Variants in ODAD1 observed in about 807,000 individuals in gnomAD.
The protein encoded by ODAD1 is outer dynein arm-docking complex subunit 1.
ODAD1 carries 49 observed loss-of-function variants against 67.2 expected under a neutral mutation model. That is an observed-to-expected ratio of 0.73 (90% CI 0.58 to 0.92). The LOEUF (loss-of-function observed/expected upper bound fraction) is 0.92, where lower values mean the gene tolerates loss of function less well. Among genes scored for constraint, ODAD1 ranks in the 40% least tolerant of loss-of-function variants. The pLI is 0.00. For missense variants in ODAD1, 897 were observed against 953.7 expected, an observed-to-expected ratio of 0.94 and a Z score of 0.78; for synonymous variants, 345 against 393.7, an observed-to-expected ratio of 0.88 and a Z score of 1.46.
At chr19:48,314,417 T>C (rs1281482568) in intron 5 of ODAD1, among the ~76,000 whole-genome samples, 1 of 152,214 alleles carries the variant, frequency 6.6e-6, no homozygotes, top group Non-Finnish European at 1.5e-5. Context: ...ATAGCAGCCC[T>C]AACAAACTAA....
intron 14 of ODAD1, 69 bp downstream of exon 14, chr19:48,297,929 CTA>C (rs1469859236): frequency 7.8e-7 from 1 of 1,280,656 alleles, no homozygotes; most frequent in East Asian, 2.4e-5. Flanking sequence ...CCAAAACTCT[CTA>C]TCCTGTGTGT....
At chr19:48,297,801 CG>C in intron 14 of ODAD1, 133 bp from the exon 15 acceptor site, 2 of 937,230 alleles carry the variant, frequency 2.1e-6, no homozygotes, top group Non-Finnish European at 1.5e-6. Context: ...CTGGGGCACC[CG>C]GGGCCCCATC....
intron 7 of ODAD1, among the ~76,000 whole-genome samples, chr19:48,308,312 T>C (rs916984048): frequency 4.6e-5 from 7 of 152,068 alleles, no homozygotes; most frequent in Non-Finnish European, 8.8e-5. Context: ...GTAGCTGGGA[T>C]TACAGGCGTG....
In ODAD1 at chr19:48,311,947, C is replaced by T. The variant is rs750602665; in HGVS notation, c.483+47G>A. 5 of 1,536,208 alleles carry T rather than the reference C, an allele frequency of 3.3e-6. No homozygotes were observed. The African/African-American group carries it at 5.5e-5, about 17-fold the overall frequency. ...ATCCAATGACCATGCCCAGTTCTTC[C>T]CATAACCGCACAATTCAGGTCGAGG... On this transcript the variant is annotated intron_variant, in intron 6 of 15. Transcript: ENST00000674294.
rs115621120 is a variant in ODAD1, at chr19:48,303,910, C to A, written c.853+43G>T. 5.8e-3 allele frequency: 9,191 copies of A among 1,596,850 alleles called. 84 individuals carry two copies. The highest frequency in any genetic ancestry group is 0.033 in the African/African-American group (2,432 of 74,718). On this transcript the variant is annotated intron_variant, in intron 9 of 15. Transcript: ENST00000674294. Reference sequence around the variant, plus strand: ...AGGTGTGCTGCAGGTGCCCCAGGGGCGGCCAGGCCCTTGAGATGCAAAGGC... The same window carrying A: ...AGGTGTGCTGCAGGTGCCCCAGGGGAGGCCAGGCCCTTGAGATGCAAAGGC...
chr19:48,313,150 C>A (rs1005446102), intron 5 of ODAD1, among the ~76,000 whole-genome samples: 1 of 152,088 alleles, frequency 6.6e-6, no homozygotes, highest in Non-Finnish European at 1.5e-5. Flanking sequence ...ATATGTTGGC[C>A]GGGCACGGTG....
chr19:48,305,387 T>C (rs1968579057), intron 8 of ODAD1, among the ~76,000 whole-genome samples: 1 of 151,532 alleles, frequency 6.6e-6, no homozygotes, highest in African/African-American at 2.4e-5. Flanking sequence ...CTGCACTATA[T>C]ATGTGCTAGA....
intron 3 of ODAD1, among the ~76,000 whole-genome samples, chr19:48,319,159 C>T (rs913152826): frequency 3.9e-5 from 6 of 151,992 alleles, no homozygotes; most frequent in Admixed American, 3.9e-4. Flanking sequence ...CCATCAGCAG[C>T]CCTCAGCCCC....
chr19:48,315,779 G>A (rs1968882188), intron 5 of ODAD1, among the ~76,000 whole-genome samples: 1 of 151,888 alleles, frequency 6.6e-6, no homozygotes, highest in African/African-American at 2.4e-5. Context: ...GGATCAAAGG[G>A]GTATCTGGTT....
At chr19:48,309,491 CGA>C (rs1287618004) in intron 7 of ODAD1, among the ~76,000 whole-genome samples, 1 of 152,144 alleles carries the variant, frequency 6.6e-6, no homozygotes, top group African/African-American at 2.4e-5. Context: ...CTGGACGAGA[CGA>C]CCTGCCTGCA....
chr19:48,311,190 C>T lies in ODAD1; in HGVS notation c.597+363G>A, dbSNP rs114224830. On this transcript the variant is annotated intron_variant, in intron 7 of 15. Transcript: ENST00000674294. ...TCACTTCACTGTGCTCCAGCCTGGA[C>T]GACAGAGTGAGACTCATCTCAAAAC... 7.1e-3 allele frequency among the ~76,000 whole-genome samples: 1,077 copies of T among 152,056 alleles called. 19 individuals carry two copies. The highest frequency in any genetic ancestry group is 0.024 in the African/African-American group (1,008 of 41,452).
intron 8 of ODAD1, 96 bp downstream of exon 8, chr19:48,306,160 G>T: frequency 6.6e-7 from 1 of 1,511,886 alleles, no homozygotes. Context: ...GTTCTGACGT[G>T]TTTCATGAGT....
chr19:48,314,466 T>G (rs987201957), intron 5 of ODAD1, among the ~76,000 whole-genome samples: 2 of 152,180 alleles, frequency 1.3e-5, no homozygotes, highest in African/African-American at 4.8e-5. Flanking sequence ...TGCAGCAAAC[T>G]TAAGACTCAG....
chr19:48,301,763 G>C (rs927193445), intron 12 of ODAD1, among the ~76,000 whole-genome samples: 1 of 150,640 alleles, frequency 6.6e-6, no homozygotes, highest in African/African-American at 2.4e-5. Flanking sequence ...GACAGTTGGA[G>C]GGATAGACCC....
At chr19:48,319,051 C>T (rs1188364589) in intron 3 of ODAD1, among the ~76,000 whole-genome samples, 9 of 152,112 alleles carry the variant, frequency 5.9e-5, no homozygotes, top group African/African-American at 1.9e-4. Context: ...TCCCATCCCA[C>T]CAGAGGGCAC....
Position 48,297,458 on chromosome 19 carries a change from T to TCGC in ODAD1, c.1639_1641dup (p.Ala547dup). 1 of 1,601,646 alleles carries TCGC rather than the reference T, an allele frequency of 6.2e-7. No homozygotes were observed. Among genetic ancestry groups the TCGC allele is most frequent in the Non-Finnish European group, 8.5e-7 (1 of 1,177,512 alleles). ...TCCACGCTCAGGGTGCCGTCCAGCT[T>TCGC]CGCGGCGGCGGCGGCCAGGTCCTTC... On this transcript the variant is annotated inframe_insertion, in exon 16 of 16. Transcript: ENST00000674294.
chr19:48,296,846 G>C lies in ODAD1; in HGVS notation c.*130C>G. The C allele has an allele frequency of 7.0e-7, 1 of 1,433,448 alleles. No homozygotes were observed. Among genetic ancestry groups the C allele is most frequent in the Non-Finnish European group, 9.1e-7 (1 of 1,100,218 alleles). The allele number at this position is 1,433,448 out of a possible 1,614,324, so 88.8% of individuals were successfully genotyped here. On this transcript the variant is annotated 3_prime_UTR_variant, in exon 16 of 16. Transcript: ENST00000674294. The stretch of plus-strand genomic sequence containing the variant: ...TGAAGGGCAGATGAAAACAGTTGAA[G>C]GGGCAAAAAGACAGAGGCCTGCCAC...
chr19:48,306,457 C>T lies in ODAD1; in HGVS notation c.598-134G>A, dbSNP rs1347629956. 7 of 664,050 alleles carry T rather than the reference C, an allele frequency of 1.1e-5. No individual in the cohort carries two copies. In the Middle Eastern group the frequency reaches 7.7e-4, roughly 73 times the overall value. The allele number at this position is 664,050 out of a possible 1,614,324, so 41.1% of individuals were successfully genotyped here. On this transcript the variant is annotated intron_variant, in intron 7 of 15. Transcript: ENST00000674294. The stretch of plus-strand genomic sequence containing the variant: ...TCCAAATGTGGACCCTCCTCATTAG[C>T]GACTGCCCATGAAAGGGATTTTAAA...
rs77913164 is a variant in ODAD1, at chr19:48,301,455, T to A, written c.1240+1239A>T. ...TGAAACAAGTGGAATAATGCATAAG[T>A]GCCTTGCACAGTGAATGACACATAA... On this transcript the variant is annotated intron_variant, in intron 12 of 15. Coordinates refer to ENST00000674294, the MANE Select transcript of ODAD1 (RefSeq NM_001364171.2). Among the ~76,000 whole-genome samples, 1,070 of 152,160 alleles carry A rather than the reference T, an allele frequency of 7.0e-3. 18 individuals carry two copies. Among genetic ancestry groups the A allele is most frequent in the African/African-American group, 0.024 (1,006 of 41,522 alleles).
Sources: allele counts gnomAD v4.1 joint callset (sites outside exome capture counted in the v4.1 genomes callset), GRCh38; gene constraint gnomAD v4.1.1; transcripts MANE v1.5; gene names NCBI Gene and HGNC (gene_info 2026-07-23, HGNC 2026-07-21).